Variants in RBFOX1 observed in about 807,000 individuals in gnomAD.
The protein encoded by RBFOX1 is RNA binding fox-1 homolog 1.
RBFOX1 carries 8 observed loss-of-function variants against 57.7 expected under a neutral mutation model. The ratio of observed to expected loss-of-function variants is 0.14; its 90% CI spans 0.08 to 0.25. The LOEUF is 0.25. RBFOX1 is among the 10% of genes least tolerant of loss of function. The pLI is 1.00. For synonymous variants in RBFOX1, 326 were observed against 222.4 expected (o/e 1.47, Z -4.15); for missense variants, 611 against 548.5 (o/e 1.11, Z -1.14).
At chr16:6,602,958 G>A (rs541142348) in intron 2 of RBFOX1, among the ~76,000 whole-genome samples, 15 of 152,166 alleles carry the variant, frequency 9.9e-5, no homozygotes, top group South Asian at 6.2e-4. Context: ...GACTTGAGCC[G>A]GTGCTGTTAT....
At chr16:5,553,634 C>A (rs1402780527) in intron 2 of RBFOX1, among the ~76,000 whole-genome samples, 2 of 144,614 alleles carry the variant, frequency 1.4e-5, no homozygotes, top group African/African-American at 5.3e-5. Flanking sequence ...TATTTTAAAA[C>A]TGTGCAGTAA....
chr16:7,460,618 T>G (rs368582562), intron 4 of RBFOX1, among the ~76,000 whole-genome samples: 5 of 151,126 alleles, frequency 3.3e-5, no homozygotes, highest in East Asian at 3.9e-4. Context: ...CTATGGGTAC[T>G]AGGCTTAATA....
chr16:7,268,419 T>A (rs1312772151), intron 4 of RBFOX1, among the ~76,000 whole-genome samples: 2 of 152,180 alleles, frequency 1.3e-5, no homozygotes, highest in Non-Finnish European at 2.9e-5. Flanking sequence ...CCTGAGTTAC[T>A]TGCTCTCTGG....
At chr16:6,799,858 T>G (rs1603626255) in intron 3 of RBFOX1, among the ~76,000 whole-genome samples, 1 of 152,158 alleles carries the variant, frequency 6.6e-6, no homozygotes, top group African/African-American at 2.4e-5. Flanking sequence ...CTTCCCTGCT[T>G]TTAAGGTTTC....
intron 3 of RBFOX1, among the ~76,000 whole-genome samples, chr16:5,786,273 C>T (rs1460201555): frequency 1.3e-5 from 2 of 152,138 alleles, no homozygotes; most frequent in Non-Finnish European, 2.9e-5. Context: ...CCTTGAGATT[C>T]CAGCTTGTCT....
chr16:6,468,413 A>T (rs2095099881), intron 2 of RBFOX1, among the ~76,000 whole-genome samples: 1 of 152,172 alleles, frequency 6.6e-6, no homozygotes, highest in Admixed American at 6.5e-5. Flanking sequence ...CCCCGCAACG[A>T]TGTTGTAAAG....
chr16:7,407,792 C>G (rs2098371770), intron 4 of RBFOX1, among the ~76,000 whole-genome samples: 1 of 152,142 alleles, frequency 6.6e-6, no homozygotes, highest in Non-Finnish European at 1.5e-5. Context: ...CCATTACACT[C>G]TGGTGTTGTA....
chr16:6,072,122 T>A (rs924565724), intron 1 of RBFOX1, among the ~76,000 whole-genome samples: 5 of 152,114 alleles, frequency 3.3e-5, no homozygotes, highest in African/African-American at 1.2e-4. Context: ...CACAGGCACA[T>A]CTTACATGGC....
rs559110981 is a variant in RBFOX1 at position 6,308,177 on chromosome 16, A to T, written c.-126-8818A>T. On this transcript the variant is annotated intron_variant, in intron 1 of 15. Coordinates refer to ENST00000550418, the MANE Select transcript of RBFOX1 (RefSeq NM_018723.4). ...TGGAATGTCATTTACATACTTTTAT[A>T]AATTATAATAATTTACATTGTGTAT... 3.9e-5 allele frequency among the ~76,000 whole-genome samples: 6 copies of T among 152,116 alleles called. No homozygotes were observed. The East Asian group carries it at 1.2e-3, about 29-fold the overall frequency.
At chr16:6,218,769 T>C (rs1005517327) in intron 1 of RBFOX1, among the ~76,000 whole-genome samples, 1 of 152,146 alleles carries the variant, frequency 6.6e-6, no homozygotes, top group Non-Finnish European at 1.5e-5. Context: ...GGTCTCCTTC[T>C]TCAGATATTT....
chr16:5,398,064 C>T (rs559661402), intron 1 of RBFOX1, among the ~76,000 whole-genome samples: 2 of 152,086 alleles, frequency 1.3e-5, no homozygotes, highest in Non-Finnish European at 2.9e-5. Flanking sequence ...AAAAACCACA[C>T]GGGGCTGTGA....
intron 2 of RBFOX1, among the ~76,000 whole-genome samples, chr16:6,497,470 T>C (rs377203029): frequency 1.3e-5 from 2 of 151,950 alleles, no homozygotes; most frequent in Non-Finnish European, 2.9e-5. Context: ...GTGTGAACTC[T>C]AGAAGAACAG....
At chr16:6,186,434 G>A (rs928247892) in intron 1 of RBFOX1, among the ~76,000 whole-genome samples, 2 of 152,134 alleles carry the variant, frequency 1.3e-5, no homozygotes, top group Admixed American at 6.5e-5. Context: ...TGAATACATT[G>A]TTCATAAGGG....
intron 2 of RBFOX1, among the ~76,000 whole-genome samples, chr16:5,502,834 TGAGAAATAGCCAGGGCAGGGAGACCA>T (rs1397810980): frequency 6.6e-6 from 1 of 152,144 alleles, no homozygotes; most frequent in East Asian, 1.9e-4. Context: ...CAGGGGACCC[TGAGAAATAGCCAGGGCAGGGAGACCA>T]GAGCACAGGA....
At chr16:6,543,858 C>A (rs1443686546) in intron 2 of RBFOX1, among the ~76,000 whole-genome samples, 1 of 151,794 alleles carries the variant, frequency 6.6e-6, no homozygotes, top group Non-Finnish European at 1.5e-5. Flanking sequence ...TGAAAAAAAC[C>A]AAAAGAAGAA....
chr16:7,015,506 TG>T (rs1234943911), intron 3 of RBFOX1, among the ~76,000 whole-genome samples: 1 of 152,138 alleles, frequency 6.6e-6, no homozygotes, highest in African/African-American at 2.4e-5. Context: ...GAGGAAAAAG[TG>T]TTTTTCCCTT....
At chr16:7,453,653 C>T (rs2057864495) in intron 4 of RBFOX1, among the ~76,000 whole-genome samples, 1 of 152,094 alleles carries the variant, frequency 6.6e-6, no homozygotes, top group Admixed American at 6.6e-5. Context: ...ATGTGTAAAA[C>T]ATCCACTTCA....
intron 2 of RBFOX1, among the ~76,000 whole-genome samples, chr16:6,568,566 G>C (rs534656960): frequency 6.6e-6 from 1 of 152,094 alleles, no homozygotes; most frequent in Non-Finnish European, 1.5e-5. Context: ...GGGAGGAGAT[G>C]GCACAAAGGC....
chr16:6,882,762 C>G (rs1156238657), intron 3 of RBFOX1, among the ~76,000 whole-genome samples: 1 of 152,014 alleles, frequency 6.6e-6, no homozygotes, highest in Admixed American at 6.6e-5. Flanking sequence ...CTTACCAAGC[C>G]AGAAACGCAA....
Sources: gnomAD v4.1 joint callset for allele counts (sites outside exome capture counted in the v4.1 genomes callset) on GRCh38, gnomAD v4.1.1 for gene constraint, MANE v1.5 for transcripts, NCBI Gene and HGNC (gene_info 2026-07-23, HGNC 2026-07-21) for gene names.